Variants in ITPR1 observed in about 807,000 individuals in gnomAD.
ITPR1 encodes inositol 1,4,5-trisphosphate receptor type 1.
In ITPR1, 96 loss-of-function variants were observed where a neutral mutation model predicts 318.4. The observed-to-expected ratio is 0.30, with a 90% CI of 0.26 to 0.36. The LOEUF (loss-of-function observed/expected upper bound fraction) is 0.36, where lower values mean the gene tolerates loss of function less well. ITPR1 is among the 10% of genes least tolerant of loss of function. The pLI, the probability that ITPR1 is intolerant of heterozygous loss-of-function variation, is 1.00. For synonymous variants in ITPR1, 1,312 were observed against 1,289.9 expected (o/e 1.02, Z -0.37); for missense variants, 2,440 against 3,460.2 (o/e 0.71, Z 7.40).
intron 4 of ITPR1, among the ~76,000 whole-genome samples, chr3:4,562,159 G>A (rs970812202): frequency 3.9e-5 from 6 of 152,072 alleles, no homozygotes; most frequent in East Asian, 3.8e-4. Flanking sequence ...ACAGATTTGC[G>A]TTGGGCTGCA....
intron 4 of ITPR1, among the ~76,000 whole-genome samples, chr3:4,589,784 G>A (rs1298793608): frequency 1.3e-5 from 2 of 151,716 alleles, no homozygotes; most frequent in Non-Finnish European, 2.9e-5. Context: ...AATGCAAAAC[G>A]AACAAAACAA....
At position 4,493,577 on chromosome 3, in the gene ITPR1, C is replaced by G. The variant is rs1461804447; in HGVS notation, c.-121C>G. 2 of 152,752 alleles carry G rather than the reference C, an allele frequency of 1.3e-5. No homozygotes were observed. Among genetic ancestry groups the G allele is most frequent in the Admixed American group, 6.5e-5 (1 of 15,288 alleles). 9.5% of individuals were successfully genotyped at this position (152,752 alleles called of 1,614,324 possible). ...AACCCCTCTCCTCGCCCTGCTCCCCCAAACCGGCGTGGCTCCCCGGGCACC... is the reference window on the plus strand; with the variant it reads ...AACCCCTCTCCTCGCCCTGCTCCCCGAAACCGGCGTGGCTCCCCGGGCACC... On this transcript the variant is annotated 5_prime_UTR_variant, in exon 1 of 62. Coordinates refer to ENST00000649015, the MANE Select transcript of ITPR1 (RefSeq NM_001378452.1).
intron 51 of ITPR1, among the ~76,000 whole-genome samples, chr3:4,787,233 T>C (rs896255028): frequency 6.7e-6 from 1 of 149,482 alleles, no homozygotes; most frequent in African/African-American, 2.5e-5. Context: ...CAGATAAAAG[T>C]TGGTCACCTT....
chr3:4,721,609 A>T (rs2042169827), intron 40 of ITPR1, among the ~76,000 whole-genome samples: 1 of 152,176 alleles, frequency 6.6e-6, no homozygotes, highest in South Asian at 2.1e-4. Context: ...CTGAAGACTG[A>T]TTCGAGCGGC....
chr3:4,738,526 A>G (rs1168141034), intron 44 of ITPR1, among the ~76,000 whole-genome samples: 1 of 152,220 alleles, frequency 6.6e-6, no homozygotes, highest in Non-Finnish European at 1.5e-5. Context: ...CGGGATGACC[A>G]GGTGCACAAA....
At chr3:4,746,193 T>A (rs1299302884) in intron 44 of ITPR1, among the ~76,000 whole-genome samples, 4 of 152,244 alleles carry the variant, frequency 2.6e-5, no homozygotes, top group Non-Finnish European at 5.9e-5. Context: ...TTTAGTGGCC[T>A]CCTGCCTCTG....
intron 34 of ITPR1, among the ~76,000 whole-genome samples, chr3:4,699,142 A>G (rs60879420): frequency 0.052 from 7,829 of 151,932 alleles, 664 homozygotes; most frequent in African/African-American, 0.18. Context: ...TGAGTCCAGG[A>G]GTTCGAGACC....
intron 33 of ITPR1, among the ~76,000 whole-genome samples, chr3:4,694,124 C>A (rs1482624059): frequency 6.6e-6 from 1 of 151,612 alleles, no homozygotes; most frequent in Non-Finnish European, 1.5e-5. Flanking sequence ...AAAACAAAAA[C>A]CCTTATTACA....
At chr3:4,820,824 G>A (rs1286622956) in intron 60 of ITPR1, among the ~76,000 whole-genome samples, 3 of 152,194 alleles carry the variant, frequency 2.0e-5, no homozygotes, top group African/African-American at 7.2e-5. Context: ...ATGAATCCCT[G>A]CTGCGGACTC....
At chr3:4,610,024 T>C (rs955369348) in intron 4 of ITPR1, among the ~76,000 whole-genome samples, 1 of 152,162 alleles carries the variant, frequency 6.6e-6, no homozygotes, top group East Asian at 1.9e-4. Context: ...TTCTACATGG[T>C]GGGCTGTATC....
chr3:4,545,982 A>G (rs958986113), intron 4 of ITPR1, among the ~76,000 whole-genome samples: 1 of 152,090 alleles, frequency 6.6e-6, no homozygotes, highest in African/African-American at 2.4e-5. Context: ...CAGGCGTGAC[A>G]TGTGATCTTG....
chr3:4,575,698 A>T (rs1306819319), intron 4 of ITPR1, among the ~76,000 whole-genome samples: 2 of 151,970 alleles, frequency 1.3e-5, no homozygotes, highest in Admixed American at 6.6e-5. Context: ...GGCTAAAAAA[A>T]GTTGATGTCT....
chr3:4,808,459 C>T (rs537441401), intron 55 of ITPR1, among the ~76,000 whole-genome samples: 1 of 152,348 alleles, frequency 6.6e-6, no homozygotes, highest in Admixed American at 6.5e-5. Flanking sequence ...CAACCTATCA[C>T]AGAAAGATAA....
intron 61 of ITPR1, among the ~76,000 whole-genome samples, chr3:4,841,111 A>G (rs901302458): frequency 6.6e-6 from 1 of 152,196 alleles, no homozygotes; most frequent in Admixed American, 6.5e-5. Flanking sequence ...TACTGCATCT[A>G]TGTTCCTTAT....
At chr3:4,612,259 A>G (rs921518645) in intron 4 of ITPR1, among the ~76,000 whole-genome samples, 12 of 151,790 alleles carry the variant, frequency 7.9e-5, no homozygotes, top group African/African-American at 2.9e-4. Flanking sequence ...ACAGCGTTTC[A>G]CCATGTTGGC....
chr3:4,551,491 A>G (rs1195548464), intron 4 of ITPR1, among the ~76,000 whole-genome samples: 2 of 152,188 alleles, frequency 1.3e-5, no homozygotes, highest in Non-Finnish European at 2.9e-5. Flanking sequence ...AGAAGTGTCC[A>G]TGCTTCTTAT....
chr3:4,568,265 A>T lies in ITPR1; in HGVS notation c.163+47171A>T, dbSNP rs769303192. 2.5e-4 allele frequency among the ~76,000 whole-genome samples: 38 copies of T among 152,228 alleles called. 1 individual carries two copies. Among genetic ancestry groups the T allele is most frequent in the Admixed American group, 3.3e-4 (5 of 15,288 alleles). On this transcript the variant is annotated intron_variant, in intron 4 of 61. Transcript: ENST00000649015. ...AACTGAGACAAAGTAAAAACTAGGC[A>T]TACTCTACTGCTGAGATCCTTACTG...
At chr3:4,581,870 G>A (rs1234874477) in intron 4 of ITPR1, among the ~76,000 whole-genome samples, 1 of 152,046 alleles carries the variant, frequency 6.6e-6, no homozygotes, top group Non-Finnish European at 1.5e-5. Flanking sequence ...ATTTAGACAG[G>A]CTTTTTTCTT....
chr3:4,499,926 T>G (rs1242817745), intron 2 of ITPR1, among the ~76,000 whole-genome samples: 2 of 152,180 alleles, frequency 1.3e-5, no homozygotes, highest in Non-Finnish European at 2.9e-5. Flanking sequence ...AAGTCTGCTC[T>G]GTAAACTTTG....
Sources: allele counts gnomAD v4.1 joint callset (sites outside exome capture counted in the v4.1 genomes callset), GRCh38; gene constraint gnomAD v4.1.1; transcripts MANE v1.5; gene names NCBI Gene and HGNC (gene_info 2026-07-23, HGNC 2026-07-21).